POLR2F: variants seen among roughly 807,000 people sequenced by gnomAD.
POLR2F encodes DNA-directed RNA polymerases I, II, and III subunit RPABC2.
POLR2F carries 12 observed loss-of-function variants against 22.7 expected under a neutral mutation model. The observed-to-expected ratio is 0.53, with a 90% CI of 0.34 to 0.86. The LOEUF is 0.86. Ranked by LOEUF, POLR2F falls within the 40% of genes least tolerant of loss-of-function variation. POLR2F has a pLI of 0.02. For synonymous variants in POLR2F, 57 were observed against 66.0 expected (o/e 0.86, Z 0.66); for missense variants, 126 against 171.5 (o/e 0.73, Z 1.48).
At chr22:38,010,416 CAGAG>C (rs1048004370) in intron 1 of POLR2F, among the ~76,000 whole-genome samples, 5 of 149,114 alleles carry the variant, frequency 3.4e-5, no homozygotes, top group Admixed American at 2.0e-4. Flanking sequence ...GAGAGAGAGA[CAGAG>C]AGAGAGAGAG....
chr22:37,973,451 T>C, downstream of POLR2F: 1 of 1,311,946 alleles, frequency 7.6e-7, no homozygotes, highest in Non-Finnish European at 1.1e-6. Flanking sequence ...GCACACAGGC[T>C]GGGGGCAGGG....
At position 37,980,670 on chromosome 22, in the gene POLR2F, C is replaced by T. The variant is rs1189570736; in HGVS notation, c.293+13500C>T. Among the ~76,000 whole-genome samples the T allele has an allele frequency of 2.6e-5, 4 of 152,214 alleles. No individual in the cohort carries two copies. The highest frequency in any genetic ancestry group is 4.8e-5 in the African/African-American group (2 of 41,452). The stretch of plus-strand genomic sequence containing the variant: ...AGCCCCAAACCCCCAACTTCGCCTC[C>T]AGCTCTAACTCCAAACCCAGTCCTC... On this transcript the variant is annotated intron_variant, in intron 4 of 4. Coordinates refer to the POLR2F transcript ENST00000405557. This position sits in a 1 kb window ranked among gnomAD's most constrained non-coding sequence, Gnocchi z 4.1.
chr22:37,959,701 T>C (rs1455630319), intron 3 of POLR2F, among the ~76,000 whole-genome samples: 1 of 127,974 alleles, frequency 7.8e-6, no homozygotes, highest in African/African-American at 3.0e-5. Flanking sequence ...CAAGTAACAA[T>C]ATGGGAGAAA....
intron 1 of POLR2F, among the ~76,000 whole-genome samples, chr22:38,010,393 G>T (rs1425592378): frequency 6.6e-6 from 1 of 151,396 alleles, no homozygotes; most frequent in Non-Finnish European, 1.5e-5. Flanking sequence ...TAAAGGAAAA[G>T]AAAGAGAGGA....
upstream of POLR2F, chr22:37,986,063 G>A (rs1932565114): frequency 4.2e-6 from 6 of 1,430,222 alleles, no homozygotes; most frequent in Non-Finnish European, 5.5e-6. The surrounding 1 kb of genome is among the most constrained non-coding windows in gnomAD (Gnocchi z 4.7). Flanking sequence ...TCTTGTTCGG[G>A]GCCTTGAAAC....
Position 37,968,297 on chromosome 22 carries a change from A to G in POLR2F, c.*582A>G. 1 of 985,734 alleles carries G rather than the reference A, an allele frequency of 1.0e-6. No individual in the cohort carries two copies. The allele number at this position is 985,734 out of a possible 1,614,324, so 61.1% of individuals were successfully genotyped here. ...CCCTGCTGGGCAAGTCAGCAGCTGG[A>G]GCAAGGACCGAGCACCTGCCTACCC... On this transcript the variant is annotated 3_prime_UTR_variant, in exon 5 of 5. Transcript: ENST00000442738.
chr22:37,973,610 C>T, downstream of POLR2F: 2 of 1,613,554 alleles, frequency 1.2e-6, no homozygotes, highest in Non-Finnish European at 1.7e-6. Flanking sequence ...CTGCGAGGGC[C>T]CCATATAGGA....
chr22:37,994,831 A>T (rs1354524237), intron 1 of POLR2F, among the ~76,000 whole-genome samples: 1 of 152,108 alleles, frequency 6.6e-6, no homozygotes, highest in East Asian at 1.9e-4. Context: ...TTGTAGAGAC[A>T]GGGTTTCACA....
intron 1 of POLR2F, among the ~76,000 whole-genome samples, chr22:38,010,629 T>C (rs2084863696): frequency 7.1e-6 from 1 of 141,444 alleles, no homozygotes. Context: ...TTTTTTTTTT[T>C]GCTTTGAGAG....
chr22:38,023,320 C>T (rs139976897), intron 1 of POLR2F, among the ~76,000 whole-genome samples: 9 of 152,236 alleles, frequency 5.9e-5, no homozygotes, highest in Non-Finnish European at 8.8e-5. Flanking sequence ...GCTTGAAGGA[C>T]GTCAGTGATG....
At position 37,968,055 on chromosome 22, in the gene POLR2F, G is replaced by A; in HGVS notation, c.*340G>A. On this transcript the variant is annotated 3_prime_UTR_variant, in exon 5 of 5. Transcript: ENST00000442738. ...GACAAGTCTTTGTGCCCAGGGAGCT[G>A]GTTGCCACGGAAACCCCCAATTTCC... 9.9e-7 allele frequency: 1 copy of A among 1,014,896 alleles called. No individual in the cohort carries two copies. The highest frequency in any genetic ancestry group is 1.2e-6 in the Non-Finnish European group (1 of 848,488). The allele number at this position is 1,014,896 out of a possible 1,614,324, so 62.9% of individuals were successfully genotyped here.
At chr22:38,027,406 A>G (rs1465187365), downstream of POLR2F, among the ~76,000 whole-genome samples, 1 of 152,096 alleles carries the variant, frequency 6.6e-6, no homozygotes, top group African/African-American at 2.4e-5. Context: ...AGAGCAGCTC[A>G]AGGAGGTCTC....
At chr22:38,020,990 T>C (rs1026303819) in intron 1 of POLR2F, among the ~76,000 whole-genome samples, 1 of 152,192 alleles carries the variant, frequency 6.6e-6, no homozygotes, top group Admixed American at 6.5e-5. Context: ...TCTTTTGCGG[T>C]TACTCCTGTC....
chr22:37,984,251 G>C (rs1932501362), upstream of POLR2F: 1 of 154,688 alleles, frequency 6.5e-6, no homozygotes, highest in African/African-American at 2.4e-5. This position sits in a 1 kb window ranked among gnomAD's most constrained non-coding sequence, Gnocchi z 4.4. Flanking sequence ...GAGCCAGGTG[G>C]GGGGCAAGGG....
downstream of POLR2F, among the ~76,000 whole-genome samples, chr22:38,028,495 TGTGTGTGCGTGTGC>T (rs2085034949): frequency 6.6e-6 from 1 of 151,876 alleles, no homozygotes; most frequent in South Asian, 2.1e-4. Flanking sequence ...TGTGCGTGTG[TGTGTGTGCGTGTGC>T]GTACGTGTGT....
chr22:38,034,560 G>A (rs1419795488), intron 5 of POLR2F, among the ~76,000 whole-genome samples: 1 of 152,204 alleles, frequency 6.6e-6, no homozygotes, highest in Non-Finnish European at 1.5e-5. Context: ...TCAAAGGAGA[G>A]CCAGGCCACT....
At chr22:37,964,574 T>TTC (rs1405045548) in intron 3 of POLR2F, among the ~76,000 whole-genome samples, 6 of 136,974 alleles carry the variant, frequency 4.4e-5, no homozygotes, top group East Asian at 2.0e-4. Context: ...CTTTCTTTCT[T>TTC]TTTTTTTTTT....
intron 5 of POLR2F, chr22:38,040,796 T>G: frequency 4.1e-6 from 2 of 490,342 alleles, no homozygotes; most frequent in Non-Finnish European, 7.3e-6. Context: ...CATGTTGTGA[T>G]GGTGAAGGGA....
At chr22:38,020,235 AT>A (rs1393081307) in intron 1 of POLR2F, among the ~76,000 whole-genome samples, 1 of 149,242 alleles carries the variant, frequency 6.7e-6, no homozygotes. Flanking sequence ...ACACACACAC[AT>A]ACATATATAT....
Sources: gnomAD v4.1 joint callset for allele counts (sites outside exome capture counted in the v4.1 genomes callset) on GRCh38, gnomAD v4.1.1 for gene constraint, Gnocchi (gnomAD v3.1) non-coding constraint, MANE v1.5 for transcripts, NCBI Gene and HGNC (gene_info 2026-07-23, HGNC 2026-07-21) for gene names.